The following PDE3A variants were observed in gnomAD, a reference collection of about 807,000 sequenced individuals.
The protein encoded by PDE3A is cGMP-inhibited 3',5'-cyclic phosphodiesterase 3A.
Under a neutral mutation model 98.3 loss-of-function variants are expected in PDE3A, and 43 were observed. That is an observed-to-expected ratio of 0.44 (90% confidence interval 0.34 to 0.56). The LOEUF is 0.56. PDE3A is among the 20% of genes least tolerant of loss of function. The pLI is 0.01. For missense variants in PDE3A, 1,427 were observed against 1,440.7 expected, an observed-to-expected ratio of 0.99 and a Z score of 0.15; for synonymous variants, 663 against 567.9, an observed-to-expected ratio of 1.17 and a Z score of -2.38.
chr12:20,554,036 T>C (rs539602952), intron 1 of PDE3A, among the ~76,000 whole-genome samples: 3 of 152,240 alleles, frequency 2.0e-5, no homozygotes, highest in African/African-American at 7.2e-5. Context: ...ATGAATTTTT[T>C]TGTAGTTACT....
At chr12:20,619,978 T>C (rs1283104334) in intron 4 of PDE3A, among the ~76,000 whole-genome samples, 1 of 152,090 alleles carries the variant, frequency 6.6e-6, no homozygotes, top group Non-Finnish European at 1.5e-5. Context: ...GTAAGACCCA[T>C]GCTTAGCATT....
In PDE3A at chr12:20,675,659, G is replaced by A. The variant is rs549372269; in HGVS notation, c.3185-4371G>A. ...GTTGCTCTGGTATTGGTGCATATAT[G>A]TTTAGAACTATTCTATCCTCTTACT... On this transcript the variant is annotated intron_variant, in intron 15 of 15. Coordinates refer to ENST00000359062, the MANE Select transcript of PDE3A (RefSeq NM_000921.5). Among the ~76,000 whole-genome samples the A allele has an allele frequency of 3.3e-5, 5 of 152,202 alleles. No homozygotes were observed. In the South Asian group the frequency reaches 1.0e-3, roughly 32 times the overall value.
chr12:20,611,719 A>C (rs1410644701), intron 2 of PDE3A, among the ~76,000 whole-genome samples: 1 of 151,902 alleles, frequency 6.6e-6, no homozygotes, highest in Non-Finnish European at 1.5e-5. Context: ...AGGACTAGAT[A>C]TCTTTATGGA....
chr12:20,370,279 A>G (rs770698692), intron 1 of PDE3A, 35 bp downstream of exon 1: 5 of 1,485,592 alleles, frequency 3.4e-6, no homozygotes, highest in Non-Finnish European at 8.9e-7. Flanking sequence ...GGCTCTTGGA[A>G]ACTTGAAACA....
chr12:20,369,181 G>A lies in PDE3A; in HGVS notation c.-104G>A, dbSNP rs1005757905. 4 of 631,260 alleles carry A rather than the reference G, an allele frequency of 6.3e-6. No individual in the cohort carries two copies. In the South Asian group the frequency reaches 6.7e-5, roughly 11 times the overall value. The allele number at this position is 631,260 out of a possible 1,614,324, so 39.1% of individuals were successfully genotyped here. On this transcript the variant is annotated 5_prime_UTR_variant, in exon 1 of 16. Transcript: ENST00000359062. The stretch of plus-strand genomic sequence containing the variant: ...GATTCCGAGGGTGGAATTGGGAAGA[G>A]CGTGCGTGCGTGTGTGTGTGTGTGT...
intron 1 of PDE3A, among the ~76,000 whole-genome samples, chr12:20,520,240 A>G (rs566794783): frequency 1.3e-5 from 2 of 152,180 alleles, no homozygotes; most frequent in Non-Finnish European, 2.9e-5. Context: ...ATGCCATGAC[A>G]AATACACTGG....
intron 1 of PDE3A, among the ~76,000 whole-genome samples, chr12:20,490,656 G>A (rs1443615607): frequency 6.6e-6 from 1 of 152,180 alleles, no homozygotes; most frequent in Non-Finnish European, 1.5e-5. Context: ...CATCAGCAAT[G>A]TCCCAAAGAA....
intron 15 of PDE3A, among the ~76,000 whole-genome samples, chr12:20,665,122 A>G (rs749531037): frequency 2.6e-5 from 4 of 152,074 alleles, no homozygotes; most frequent in Non-Finnish European, 5.9e-5. Context: ...GCTGACTTTC[A>G]AAGACTCCAT....
chr12:20,452,457 A>C (rs529199014), intron 1 of PDE3A, among the ~76,000 whole-genome samples: 3 of 152,252 alleles, frequency 2.0e-5, no homozygotes, highest in Admixed American at 6.5e-5. Context: ...TTTCCTTTGC[A>C]ATGTGTCTCC....
At chr12:20,441,893 G>A (rs1056583524) in intron 1 of PDE3A, among the ~76,000 whole-genome samples, 4 of 152,042 alleles carry the variant, frequency 2.6e-5, no homozygotes, top group Non-Finnish European at 4.4e-5. Flanking sequence ...TGCATTTCTT[G>A]TTTCTTCCCA....
chr12:20,588,588 C>T (rs1316465666), intron 2 of PDE3A, among the ~76,000 whole-genome samples: 1 of 151,388 alleles, frequency 6.6e-6, no homozygotes, highest in Admixed American at 6.6e-5. Flanking sequence ...GTGAATTGAC[C>T]CCAAGACTGA....
chr12:20,463,206 C>T (rs943264218), intron 1 of PDE3A, among the ~76,000 whole-genome samples: 1 of 152,076 alleles, frequency 6.6e-6, no homozygotes, highest in East Asian at 1.9e-4. Flanking sequence ...ATGAAAATAA[C>T]TTACAGATAT....
chr12:20,648,450 A>G lies in PDE3A; in HGVS notation c.2566-238A>G, dbSNP rs578134960. ...TATTAAGATAGGCGAGTGCCCCCTCAAAAGAGTTTGGACTAAGTTTTCAAG... is the reference window on the plus strand; with the variant it reads ...TATTAAGATAGGCGAGTGCCCCCTCGAAAGAGTTTGGACTAAGTTTTCAAG... On this transcript the variant is annotated intron_variant, in intron 12 of 15. Coordinates refer to ENST00000359062, the MANE Select transcript of PDE3A (RefSeq NM_000921.5). Among the ~76,000 whole-genome samples the G allele has an allele frequency of 1.1e-4, 16 of 152,136 alleles. No homozygotes were observed. In the East Asian group the frequency reaches 3.1e-3, roughly 29 times the overall value.
intron 1 of PDE3A, among the ~76,000 whole-genome samples, chr12:20,389,113 C>A (rs552223396): frequency 6.6e-6 from 1 of 151,984 alleles, no homozygotes; most frequent in South Asian, 2.1e-4. Flanking sequence ...ATCATTCCAC[C>A]CAGTTTTTAC....
chr12:20,656,681 G>A (rs1945051890), intron 15 of PDE3A, among the ~76,000 whole-genome samples: 1 of 152,082 alleles, frequency 6.6e-6, no homozygotes, highest in Admixed American at 6.5e-5. Context: ...CAGGTAGTTT[G>A]CTGTCTTACT....
intron 1 of PDE3A, among the ~76,000 whole-genome samples, chr12:20,538,237 G>T (rs1941801656): frequency 2.0e-5 from 3 of 152,076 alleles, no homozygotes; most frequent in Non-Finnish European, 2.9e-5. Flanking sequence ...GAGCTTAATG[G>T]TGACATTTTT....
chr12:20,653,882 G>T, intron 14 of PDE3A, 65 bp from the exon 15 acceptor site: 1 of 1,551,358 alleles, frequency 6.4e-7, no homozygotes. Flanking sequence ...AATGCCTGGG[G>T]TTTTACATAT....
intron 1 of PDE3A, among the ~76,000 whole-genome samples, chr12:20,413,581 G>A (rs1249348357): frequency 6.6e-6 from 1 of 152,308 alleles, no homozygotes; most frequent in East Asian, 1.9e-4. Flanking sequence ...GGAACAGAGA[G>A]CATGGAGAAA....
chr12:20,560,246 A>G (rs2121281953), intron 2 of PDE3A, among the ~76,000 whole-genome samples: 1 of 152,308 alleles, frequency 6.6e-6, no homozygotes, highest in South Asian at 2.1e-4. Context: ...TTCCAGAAAA[A>G]TATTAAAAGA....
Sources: gnomAD v4.1 joint callset for allele counts (sites outside exome capture counted in the v4.1 genomes callset) on GRCh38, gnomAD v4.1.1 for gene constraint, MANE v1.5 for transcripts, NCBI Gene and HGNC (gene_info 2026-07-23, HGNC 2026-07-21) for gene names.